PAPPA2: variants seen among roughly 807,000 people sequenced by gnomAD.
PAPPA2 encodes the protein pappalysin 2.
A neutral mutation model predicts 176.4 loss-of-function variants in PAPPA2; 86 were observed. The ratio of observed to expected loss-of-function variants is 0.49; its 90% CI spans 0.41 to 0.58. The LOEUF (loss-of-function observed/expected upper bound fraction) is 0.58. Among genes scored for constraint, PAPPA2 ranks in the 20% least tolerant of loss-of-function variants. PAPPA2 has a pLI of 0.00. For synonymous variants in PAPPA2, 809 were observed against 852.2 expected, an observed-to-expected ratio of 0.95 and a Z score of 0.88; for missense variants, 2,073 against 2,256.9, an observed-to-expected ratio of 0.92 and a Z score of 1.65.
intron 12 of PAPPA2, among the ~76,000 whole-genome samples, chr1:176,712,812 A>G (rs1037009177): frequency 2.6e-5 from 4 of 152,158 alleles, no homozygotes; most frequent in Non-Finnish European, 2.9e-5. Flanking sequence ...AGTGTTTCAA[A>G]TGTTTCACAT....
intron 12 of PAPPA2, among the ~76,000 whole-genome samples, chr1:176,731,174 C>T (rs1185785599): frequency 6.6e-6 from 1 of 151,746 alleles, no homozygotes; most frequent in African/African-American, 2.4e-5. Flanking sequence ...ATTTGTGTTC[C>T]TTATACTTCT....
At chr1:176,576,379 T>A (rs1448251688) in intron 2 of PAPPA2, among the ~76,000 whole-genome samples, 2 of 152,114 alleles carry the variant, frequency 1.3e-5, no homozygotes, top group Non-Finnish European at 2.9e-5. Flanking sequence ...CACCCTTTAC[T>A]TTTTTTTCTA....
intron 21 of PAPPA2, among the ~76,000 whole-genome samples, chr1:176,813,219 G>A (rs1666232785): frequency 6.6e-6 from 1 of 151,936 alleles, no homozygotes; most frequent in African/African-American, 2.4e-5. Flanking sequence ...TATTCCATGT[G>A]TTTGCTATTG....
chr1:176,577,813 G>C (rs553986052), intron 2 of PAPPA2, among the ~76,000 whole-genome samples: 1 of 152,194 alleles, frequency 6.6e-6, no homozygotes, highest in African/African-American at 2.4e-5. Context: ...CTCGTAGCTT[G>C]TTGATTTATG....
intron 1 of PAPPA2, among the ~76,000 whole-genome samples, chr1:176,503,654 A>G (rs2294646): frequency 0.079 from 12,052 of 152,256 alleles, 592 homozygotes; most frequent in South Asian, 0.15. Context: ...TTCCAGTGTG[A>G]CATTGACCTT....
At chr1:176,495,060 C>G (rs929254243) in intron 1 of PAPPA2, among the ~76,000 whole-genome samples, 2 of 152,254 alleles carry the variant, frequency 1.3e-5, no homozygotes, top group East Asian at 3.9e-4. Context: ...GTGCCTGGTA[C>G]AGGGCCTGGG....
At chr1:176,616,387 G>C in intron 3 of PAPPA2, 1 of 598,262 alleles carries the variant, frequency 1.7e-6, no homozygotes. Context: ...CTCCGCTTTT[G>C]TCCTATGAAT....
At chr1:176,586,480 C>T (rs1242969004) in intron 2 of PAPPA2, among the ~76,000 whole-genome samples, 2 of 152,098 alleles carry the variant, frequency 1.3e-5, no homozygotes. Flanking sequence ...GTGTGTTGTT[C>T]CCCTCTCTGT....
chr1:176,753,964 G>A (rs552338431), intron 14 of PAPPA2, among the ~76,000 whole-genome samples: 2 of 150,656 alleles, frequency 1.3e-5, no homozygotes, highest in South Asian at 2.1e-4. Flanking sequence ...ATGGCTGGCT[G>A]TATGACAAGT....
At chr1:176,513,487 G>A (rs1284803727) in intron 1 of PAPPA2, among the ~76,000 whole-genome samples, 1 of 151,888 alleles carries the variant, frequency 6.6e-6, no homozygotes, top group Non-Finnish European at 1.5e-5. Context: ...CTCACTTGAG[G>A]CATTTATCAA....
chr1:176,710,261 G>A, intron 11 of PAPPA2, 85 bp downstream of exon 11: 1 of 1,234,080 alleles, frequency 8.1e-7, no homozygotes, highest in Non-Finnish European at 1.1e-6. Flanking sequence ...GTCTATGTTT[G>A]GATAATTAAA....
intron 4 of PAPPA2, among the ~76,000 whole-genome samples, chr1:176,689,380 A>G (rs1299473947): frequency 2.0e-5 from 3 of 152,104 alleles, no homozygotes; most frequent in African/African-American, 7.2e-5. Context: ...TTGTGTTCTC[A>G]TGGAGATTTA....
chr1:176,581,020 T>C (rs1051934089), intron 2 of PAPPA2, among the ~76,000 whole-genome samples: 15 of 152,202 alleles, frequency 9.9e-5, no homozygotes, highest in African/African-American at 2.4e-5. Context: ...TGAAGTCTTA[T>C]TCATAAAATC....
At chr1:176,692,534 C>G (rs1444402216) in intron 6 of PAPPA2, among the ~76,000 whole-genome samples, 1 of 152,210 alleles carries the variant, frequency 6.6e-6, no homozygotes, top group Non-Finnish European at 1.5e-5. Context: ...AGTGCTCACT[C>G]CCCCCTCAGG....
intron 3 of PAPPA2, among the ~76,000 whole-genome samples, chr1:176,653,734 G>C (rs2063050): frequency 0.25 from 37,844 of 151,206 alleles, 4,845 homozygotes; most frequent in South Asian, 0.33. Flanking sequence ...ACCCCACTCC[G>C]TCTCCTACTC....
At chr1:176,531,669 C>T (rs1302523770) in intron 1 of PAPPA2, among the ~76,000 whole-genome samples, 2 of 152,114 alleles carry the variant, frequency 1.3e-5, no homozygotes, top group Non-Finnish European at 2.9e-5. Context: ...ATGCTGAGGT[C>T]ACTGTTGAAC....
At chr1:176,526,898 T>C (rs1649526765) in intron 1 of PAPPA2, among the ~76,000 whole-genome samples, 1 of 152,232 alleles carries the variant, frequency 6.6e-6, no homozygotes, top group Admixed American at 6.5e-5. Context: ...GGGAATAATA[T>C]GAGATAACAT....
chr1:176,610,056 C>T (rs1448355353), intron 3 of PAPPA2, among the ~76,000 whole-genome samples: 3 of 152,054 alleles, frequency 2.0e-5, no homozygotes, highest in African/African-American at 7.2e-5. Flanking sequence ...ACATGAATCA[C>T]CCTTCCCCAT....
At chr1:176,623,642 T>A (rs1573145719) in intron 3 of PAPPA2, among the ~76,000 whole-genome samples, 5 of 125,188 alleles carry the variant, frequency 4.0e-5, no homozygotes, top group East Asian at 4.4e-4. Context: ...TTTCTTTCTT[T>A]CTTTCTTTCT....
Sources: allele counts gnomAD v4.1 joint callset (sites outside exome capture counted in the v4.1 genomes callset), GRCh38; gene constraint gnomAD v4.1.1; transcripts MANE v1.5; gene names NCBI Gene and HGNC (gene_info 2026-07-23, HGNC 2026-07-21).